HOMER1: variants seen among roughly 807,000 people sequenced by gnomAD.
HOMER1 encodes the protein homer protein homolog 1.
In HOMER1, 3 loss-of-function variants were observed where a neutral mutation model predicts 48.9. The observed-to-expected ratio is 0.06, with a 90% CI of 0.03 to 0.16. The LOEUF (loss-of-function observed/expected upper bound fraction) is 0.16. Among genes scored for constraint, HOMER1 ranks in the 10% least tolerant of loss-of-function variants. HOMER1 has a pLI of 1.00. For missense variants in HOMER1, 247 were observed against 411.4 expected (o/e 0.60, Z 3.46); for synonymous variants, 134 against 146.4 (o/e 0.92, Z 0.61).
chr5:79,444,526 A>T (rs1179562978), intron 4 of HOMER1, among the ~76,000 whole-genome samples: 2 of 152,234 alleles, frequency 1.3e-5, no homozygotes, highest in Admixed American at 1.3e-4. Context: ...GTATTTTTCA[A>T]ATATAAGCAT....
At chr5:79,466,993 T>C (rs1167124819) in intron 1 of HOMER1, among the ~76,000 whole-genome samples, 2 of 152,108 alleles carry the variant, frequency 1.3e-5, no homozygotes, top group East Asian at 1.9e-4. Context: ...GGTTTCACCA[T>C]GTTGGCCAGG....
At chr5:79,376,330 A>G in intron 8 of HOMER1, 133 bp from the exon 9 acceptor site, 1 of 648,646 alleles carries the variant, frequency 1.5e-6, no homozygotes, top group Non-Finnish European at 2.5e-6. Flanking sequence ...ATCTTAATTT[A>G]GCACAATTTA....
At chr5:79,446,105 A>G (rs929228489) in intron 4 of HOMER1, among the ~76,000 whole-genome samples, 6 of 152,208 alleles carry the variant, frequency 3.9e-5, no homozygotes, top group African/African-American at 1.4e-4. Flanking sequence ...GCAAGAGCCC[A>G]GTCCAGAGCA....
intron 5 of HOMER1, among the ~76,000 whole-genome samples, chr5:79,406,791 G>A (rs1019220451): frequency 1.3e-5 from 2 of 152,210 alleles, no homozygotes; most frequent in Non-Finnish European, 2.9e-5. Flanking sequence ...CTGTGGGACA[G>A]AGGCAGGAAA....
At chr5:79,441,047 C>G (rs903545916) in intron 4 of HOMER1, among the ~76,000 whole-genome samples, 3 of 152,050 alleles carry the variant, frequency 2.0e-5, no homozygotes, top group Admixed American at 2.0e-4. Flanking sequence ...GTAGTCCCAG[C>G]TATTCGGGAG....
chr5:79,401,386 T>A (rs548280359), intron 6 of HOMER1, among the ~76,000 whole-genome samples: 2 of 152,240 alleles, frequency 1.3e-5, no homozygotes, highest in East Asian at 3.9e-4. Flanking sequence ...AAGAAGGAAA[T>A]AACTTATCAA....
chr5:79,497,790 T>C (rs879536054), intron 1 of HOMER1, among the ~76,000 whole-genome samples: 43 of 152,166 alleles, frequency 2.8e-4, no homozygotes, highest in Non-Finnish European at 4.6e-4. Context: ...ACTGAAGCTT[T>C]TGAATGGACA....
chr5:79,500,905 G>GT (rs1361506987), intron 1 of HOMER1, among the ~76,000 whole-genome samples: 1 of 147,994 alleles, frequency 6.8e-6, no homozygotes, highest in Non-Finnish European at 1.5e-5. Context: ...GATTATAGGC[G>GT]TGAGCCACTG....
chr5:79,465,051 A>G (rs1363434838), intron 1 of HOMER1, among the ~76,000 whole-genome samples: 1 of 152,016 alleles, frequency 6.6e-6, no homozygotes, highest in African/African-American at 2.4e-5. Context: ...TAATTGTATG[A>G]TCTGGCCAGG....
chr5:79,456,737 A>G (rs2112302436), intron 2 of HOMER1, 125 bp downstream of exon 2: 1 of 845,430 alleles, frequency 1.2e-6, no homozygotes, highest in African/African-American at 1.7e-5. Context: ...TTTGTTTCTT[A>G]AAAGTTTTAA....
rs1362997257 is a variant in HOMER1 at position 79,414,515 on chromosome 5, G to A, written c.528-12460C>T. 3.3e-5 allele frequency among the ~76,000 whole-genome samples: 5 copies of A among 152,030 alleles called. No individual in the cohort carries two copies. The East Asian group carries it at 9.7e-4, about 29-fold the overall frequency. On this transcript the variant is annotated intron_variant, in intron 5 of 8. Transcript: ENST00000334082. ...CTGCCTCAGCCTCCGGAGTAGCTGG[G>A]ACAAGAGGTACATACCACCACACTT...
At chr5:79,461,196 C>T (rs896241232) in intron 1 of HOMER1, among the ~76,000 whole-genome samples, 6 of 152,126 alleles carry the variant, frequency 3.9e-5, no homozygotes, top group African/African-American at 1.2e-4. Flanking sequence ...GAAGCTATAT[C>T]TAAAATCTTT....
At chr5:79,431,459 G>C (rs577242581) in intron 5 of HOMER1, among the ~76,000 whole-genome samples, 168 of 152,276 alleles carry the variant, frequency 1.1e-3, no homozygotes, top group Admixed American at 3.9e-3. Context: ...AGGGTAGGTG[G>C]AGGGAGAGTG....
chr5:79,510,627 T>C, intron 1 of HOMER1: 1 of 903,964 alleles, frequency 1.1e-6, no homozygotes, highest in Non-Finnish European at 1.8e-6. Flanking sequence ...GCCAAGGCCA[T>C]GAGTGCACAT....
intron 5 of HOMER1, among the ~76,000 whole-genome samples, chr5:79,413,742 C>T (rs1366072138): frequency 6.7e-6 from 1 of 149,864 alleles, no homozygotes; most frequent in Non-Finnish European, 1.5e-5. Flanking sequence ...GGGCTAGGTG[C>T]TTTCATATCA....
chr5:79,464,599 A>T (rs76506452), intron 1 of HOMER1, among the ~76,000 whole-genome samples: 4 of 152,174 alleles, frequency 2.6e-5, no homozygotes, highest in African/African-American at 9.7e-5. Flanking sequence ...GTACAACTTA[A>T]TAATATAAAT....
chr5:79,455,436 C>A (rs185395630), intron 2 of HOMER1, among the ~76,000 whole-genome samples: 1 of 152,148 alleles, frequency 6.6e-6, no homozygotes, highest in Admixed American at 6.6e-5. Flanking sequence ...TGGTTTTATA[C>A]GCATCTGGCA....
At chr5:79,495,593 G>A (rs534373930) in intron 1 of HOMER1, among the ~76,000 whole-genome samples, 2 of 152,228 alleles carry the variant, frequency 1.3e-5, no homozygotes, top group South Asian at 2.1e-4. Context: ...AGTGCTTAAC[G>A]TTTTTTACAA....
At chr5:79,404,397 A>G (rs185914948) in intron 5 of HOMER1, among the ~76,000 whole-genome samples, 1 of 152,242 alleles carries the variant, frequency 6.6e-6, no homozygotes, top group African/African-American at 2.4e-5. Flanking sequence ...ACAAGTATTC[A>G]GTAATTATCT....
Sources: gnomAD v4.1 joint callset for allele counts (sites outside exome capture counted in the v4.1 genomes callset) on GRCh38, gnomAD v4.1.1 for gene constraint, MANE v1.5 for transcripts, NCBI Gene and HGNC (gene_info 2026-07-23, HGNC 2026-07-21) for gene names.